CLIP2: variants seen among roughly 807,000 people sequenced by gnomAD.
The protein encoded by CLIP2 is CAP-Gly domain-containing linker protein 2.
In CLIP2, 41 loss-of-function variants were observed where a neutral mutation model predicts 111.7. The ratio of observed to expected loss-of-function variants is 0.37; its 90% CI spans 0.29 to 0.48. The LOEUF (loss-of-function observed/expected upper bound fraction) is 0.48. Among genes scored for constraint, CLIP2 ranks in the 20% least tolerant of loss-of-function variants. The pLI, the probability that CLIP2 is intolerant of heterozygous loss-of-function variation, is 0.99. For missense variants in CLIP2, 1,160 were observed against 1,422.1 expected (o/e 0.82, Z 2.96); for synonymous variants, 660 against 644.2 (o/e 1.02, Z -0.37).
intron 2 of CLIP2, among the ~76,000 whole-genome samples, chr7:74,332,086 T>A (rs868964208): frequency 6.6e-6 from 1 of 151,912 alleles, no homozygotes; most frequent in Non-Finnish European, 1.5e-5. Context: ...GGTTTTTTGT[T>A]TTTTGGAGAT....
At position 74,317,527 on chromosome 7, in the gene CLIP2, A is replaced by G; in HGVS notation, c.-20A>G. Reference sequence around the variant, plus strand: ...ACGTGACCAGCACTCACCCTTGTCCACCTGCCCAGTGGCACCGCCATGCAG... The same window carrying G: ...ACGTGACCAGCACTCACCCTTGTCCGCCTGCCCAGTGGCACCGCCATGCAG... On this transcript the variant is annotated 5_prime_UTR_variant, in exon 2 of 17. Transcript: ENST00000223398. 1 of 1,412,052 alleles carries G rather than the reference A, an allele frequency of 7.1e-7. No individual in the cohort carries two copies. Among genetic ancestry groups the G allele is most frequent in the Non-Finnish European group, 9.3e-7 (1 of 1,073,686 alleles). The allele number at this position is 1,412,052 out of a possible 1,614,324, so 87.5% of individuals were successfully genotyped here. A position where few individuals can be genotyped will look rare whatever the true frequency, so the allele number is the denominator to read the frequency against.
At chr7:74,390,175 AAGAAAGAAAG>A (rs1562726835) in intron 13 of CLIP2, among the ~76,000 whole-genome samples, 1 of 66,800 alleles carries the variant, frequency 1.5e-5, no homozygotes, top group East Asian at 3.5e-4. Context: ...GAAAGAAAGA[AAGAAAGAAAG>A]AAAGAAAGAA....
At chr7:74,345,510 G>A (rs1207076903) in intron 3 of CLIP2, among the ~76,000 whole-genome samples, 2 of 151,956 alleles carry the variant, frequency 1.3e-5, no homozygotes, top group Non-Finnish European at 2.9e-5. Context: ...TGGTATTACA[G>A]TGAGTCCAGA....
chr7:74,372,020 C>T (rs1158988306), intron 8 of CLIP2, among the ~76,000 whole-genome samples: 6 of 152,102 alleles, frequency 3.9e-5, no homozygotes, highest in African/African-American at 1.4e-4. Flanking sequence ...CCCCTTCTCT[C>T]CTGGAGTATA....
chr7:74,297,035 C>T (rs1372880526), intron 1 of CLIP2, among the ~76,000 whole-genome samples: 1 of 152,188 alleles, frequency 6.6e-6, no homozygotes, highest in African/African-American at 2.4e-5. Context: ...ACACAGGTAT[C>T]TGGGCTCCTG....
intron 7 of CLIP2, among the ~76,000 whole-genome samples, chr7:74,363,235 C>T (rs1470731602): frequency 6.6e-6 from 1 of 152,194 alleles, no homozygotes; most frequent in Non-Finnish European, 1.5e-5. Flanking sequence ...CTCCCGACCT[C>T]AGGTGATCCG....
intron 1 of CLIP2, among the ~76,000 whole-genome samples, chr7:74,293,122 G>A (rs1467615400): frequency 6.6e-6 from 1 of 152,206 alleles, no homozygotes; most frequent in Non-Finnish European, 1.5e-5. Context: ...GGCTTTGAGG[G>A]TGGTGTGGGG....
chr7:74,385,989 G>A (rs1791082117), intron 11 of CLIP2, among the ~76,000 whole-genome samples: 1 of 150,582 alleles, frequency 6.6e-6, no homozygotes, highest in African/African-American at 2.4e-5. Flanking sequence ...TGATCCACCT[G>A]CCTTGGCCTC....
chr7:74,349,094 C>A (rs1554306970), intron 3 of CLIP2, among the ~76,000 whole-genome samples: 3 of 151,806 alleles, frequency 2.0e-5, no homozygotes, highest in Admixed American at 6.6e-5. Flanking sequence ...TGGACAAGCA[C>A]AATGCATTCT....
chr7:74,347,872 T>G (rs1663936358), intron 3 of CLIP2, among the ~76,000 whole-genome samples: 1 of 152,022 alleles, frequency 6.6e-6, no homozygotes, highest in Admixed American at 6.6e-5. Context: ...AGAAAATATT[T>G]CAGGAACTAG....
chr7:74,351,002 G>GAGAA (rs200650133), intron 3 of CLIP2, among the ~76,000 whole-genome samples: 62 of 79,990 alleles, frequency 7.8e-4, no homozygotes, highest in African/African-American at 1.8e-3. Context: ...AGAAGAAGGA[G>GAGAA]AGAAAGAAAG....
chr7:74,341,234 C>G (rs1291259851), intron 3 of CLIP2, among the ~76,000 whole-genome samples: 5 of 152,170 alleles, frequency 3.3e-5, no homozygotes, highest in Non-Finnish European at 7.3e-5. Flanking sequence ...TGTTGCCAGG[C>G]TGGAGCGCAG....
chr7:74,402,693 A>G (rs1791654780), intron 16 of CLIP2, among the ~76,000 whole-genome samples: 1 of 152,114 alleles, frequency 6.6e-6, no homozygotes, highest in Non-Finnish European at 1.5e-5. Flanking sequence ...CCCTGTCTCT[A>G]AGAAGAACAC....
chr7:74,388,941 G>A, intron 12 of CLIP2, 162 bp from the exon 13 acceptor site: 1 of 768,734 alleles, frequency 1.3e-6, no homozygotes, highest in African/African-American at 1.8e-5. Context: ...GGGTGACAGA[G>A]CCAGACCCAA....
At chr7:74,324,617 C>T (rs1789062332) in intron 2 of CLIP2, among the ~76,000 whole-genome samples, 1 of 152,000 alleles carries the variant, frequency 6.6e-6, no homozygotes, top group Non-Finnish European at 1.5e-5. Context: ...GAGATGGTGG[C>T]AGCAGAGGCT....
At position 74,289,982 on chromosome 7, in the gene CLIP2, A is replaced by G. The variant is rs1356238952; in HGVS notation, c.-68+248A>G. ...GCTTGGGGTGCCAGGGTTGGGGGCT[A>G]TTCCCGGGCTGCGGGTCCCCCTGTT... On this transcript the variant is annotated intron_variant, in intron 1 of 16. Coordinates refer to ENST00000223398, the MANE Select transcript of CLIP2 (RefSeq NM_003388.5). Among the ~76,000 whole-genome samples the G allele has an allele frequency of 2.6e-5, 4 of 152,248 alleles. No individual in the cohort carries two copies. The South Asian group carries it at 6.2e-4, about 24-fold the overall frequency.
At chr7:74,345,221 G>T (rs1178697065) in intron 3 of CLIP2, among the ~76,000 whole-genome samples, 1 of 152,066 alleles carries the variant, frequency 6.6e-6, no homozygotes, top group Admixed American at 6.6e-5. Flanking sequence ...GGTGTCAAGA[G>T]AAATTAACAT....
At chr7:74,328,432 G>A (rs562780799) in intron 2 of CLIP2, among the ~76,000 whole-genome samples, 2 of 152,298 alleles carry the variant, frequency 1.3e-5, no homozygotes, top group Admixed American at 6.5e-5. Context: ...TTCAGCCCAG[G>A]GGGTCCAGGG....
chr7:74,404,540 C>T lies in CLIP2; in HGVS notation c.*692C>T, dbSNP rs1791715574. 6.5e-6 allele frequency: 1 copy of T among 153,186 alleles called. No homozygotes were observed. The highest frequency in any genetic ancestry group is 1.9e-4 in the East Asian group (1 of 5,184). The allele number at this position is 153,186 out of a possible 1,614,324, so 9.5% of individuals were successfully genotyped here. A position where few individuals can be genotyped will look rare whatever the true frequency, so the allele number is the denominator to read the frequency against. Reference sequence around the variant, plus strand: ...ACACCAACACACACACACCTCTAAGCTGCTGGCCGAAGATGTCACCAAGGC... The same window carrying T: ...ACACCAACACACACACACCTCTAAGTTGCTGGCCGAAGATGTCACCAAGGC... On this transcript the variant is annotated 3_prime_UTR_variant, in exon 17 of 17. Coordinates refer to ENST00000223398, the MANE Select transcript of CLIP2 (RefSeq NM_003388.5).
Sources: gnomAD v4.1 joint callset for allele counts (sites outside exome capture counted in the v4.1 genomes callset) on GRCh38, gnomAD v4.1.1 for gene constraint, MANE v1.5 for transcripts, NCBI Gene and HGNC (gene_info 2026-07-23, HGNC 2026-07-21) for gene names.